Variants in ST3GAL1 observed in about 807,000 individuals in gnomAD.
ST3GAL1 encodes ST3 beta-galactoside alpha-2,3-sialyltransferase 1.
ST3GAL1 carries 16 observed loss-of-function variants against 34.1 expected under a neutral mutation model. The ratio of observed to expected loss-of-function variants is 0.47; its 90% CI spans 0.32 to 0.71. The LOEUF (loss-of-function observed/expected upper bound fraction) is 0.71, where lower values mean the gene tolerates loss of function less well. Among genes scored for constraint, ST3GAL1 ranks in the 30% least tolerant of loss-of-function variants. ST3GAL1 has a pLI of 0.04. For missense variants in ST3GAL1, 353 were observed against 447.4 expected, an observed-to-expected ratio of 0.79 and a Z score of 1.90; for synonymous variants, 191 against 184.7, an observed-to-expected ratio of 1.03 and a Z score of -0.28.
At chr8:133,528,541 A>T (rs912883467) in intron 2 of ST3GAL1, among the ~76,000 whole-genome samples, 2 of 152,238 alleles carry the variant, frequency 1.3e-5, no homozygotes, top group African/African-American at 4.8e-5. Context: ...TACAGCCTAC[A>T]CTGAGTCAAG....
intron 3 of ST3GAL1, among the ~76,000 whole-genome samples, chr8:133,497,787 C>T (rs578067576): frequency 1.1e-3 from 160 of 152,068 alleles, no homozygotes; most frequent in African/African-American, 3.7e-3. Flanking sequence ...TTTCTTGCTA[C>T]ACAACCCCCA....
chr8:133,462,259 C>G (rs552552289), intron 8 of ST3GAL1, among the ~76,000 whole-genome samples: 6 of 152,104 alleles, frequency 3.9e-5, no homozygotes, highest in Non-Finnish European at 1.5e-5. Flanking sequence ...GATCACTGAG[C>G]TGACACACAG....
chr8:133,546,802 C>T (rs1818685935), intron 1 of ST3GAL1, among the ~76,000 whole-genome samples: 1 of 152,070 alleles, frequency 6.6e-6, no homozygotes, highest in Non-Finnish European at 1.5e-5. Context: ...AGTTCAAAAC[C>T]AGCCTGGCCA....
intron 2 of ST3GAL1, among the ~76,000 whole-genome samples, chr8:133,538,286 G>A (rs1018114535): frequency 6.6e-6 from 1 of 152,160 alleles, no homozygotes; most frequent in Non-Finnish European, 1.5e-5. Flanking sequence ...AGGCCAAGGT[G>A]GGGGGATCAC....
At chr8:133,561,373 T>C (rs1020341903) in intron 1 of ST3GAL1, among the ~76,000 whole-genome samples, 5 of 152,118 alleles carry the variant, frequency 3.3e-5, no homozygotes, top group African/African-American at 1.2e-4. Flanking sequence ...GAGGTTCCAC[T>C]GAGACACACA....
rs933893505 is a variant in ST3GAL1, at chr8:133,458,086, C to A, written c.*1678G>T. On this transcript the variant is annotated 3_prime_UTR_variant, in exon 10 of 10. Transcript: ENST00000522652. ...TAGCCTGAGAATAAATCCAAGTCCA[C>A]AATGAGGAAGAAGGAAGGTTGGGTT... 2.0e-5 allele frequency: 3 copies of A among 152,228 alleles called. No individual in the cohort carries two copies. The highest frequency in any genetic ancestry group is 4.8e-5 in the African/African-American group (2 of 41,420). 9.4% of individuals were successfully genotyped at this position (152,228 alleles called of 1,614,324 possible). A position where few individuals can be genotyped will look rare whatever the true frequency, so the allele number is the denominator to read the frequency against.
rs765303726 is a variant in ST3GAL1 at position 133,556,248 on chromosome 8, C to G, written c.-581-10322G>C. On this transcript the variant is annotated intron_variant, in intron 1 of 9. Coordinates refer to ENST00000522652, the MANE Select transcript of ST3GAL1 (RefSeq NM_173344.3). This position sits in a 1 kb window ranked among gnomAD's most constrained non-coding sequence, Gnocchi z 8.9. ...CACCCAGGAAGATGAGTTGGTGTCA[C>G]CCCCAGAGCACAAGGGGTAACACTA... 5.9e-5 allele frequency among the ~76,000 whole-genome samples: 9 copies of G among 152,122 alleles called. No individual in the cohort carries two copies. The highest frequency in any genetic ancestry group is 1.2e-4 in the Non-Finnish European group (8 of 68,032).
intron 2 of ST3GAL1, among the ~76,000 whole-genome samples, chr8:133,525,970 C>T (rs569968447): frequency 6.6e-6 from 1 of 152,124 alleles, no homozygotes; most frequent in South Asian, 2.1e-4. Flanking sequence ...GGGCTCCTGC[C>T]CTGCCAACTT....
At chr8:133,489,076 G>A (rs1432257961) in intron 3 of ST3GAL1, among the ~76,000 whole-genome samples, 2 of 152,140 alleles carry the variant, frequency 1.3e-5, no homozygotes. Flanking sequence ...TGTCCTGGGG[G>A]TCTCAGTAAG....
intron 1 of ST3GAL1, among the ~76,000 whole-genome samples, chr8:133,559,770 G>A (rs1819161929): frequency 6.6e-6 from 1 of 152,224 alleles, no homozygotes; most frequent in African/African-American, 2.4e-5. Flanking sequence ...TTGCCTCCAA[G>A]AGGCTCCCAT....
intron 2 of ST3GAL1, among the ~76,000 whole-genome samples, chr8:133,535,911 C>T (rs1221411162): frequency 1.6e-4 from 25 of 152,140 alleles, no homozygotes; most frequent in Admixed American, 1.4e-3. Context: ...CACTGGGAAA[C>T]CAAAATAATT....
chr8:133,533,167 C>T (rs186961523), intron 2 of ST3GAL1, among the ~76,000 whole-genome samples: 3 of 152,300 alleles, frequency 2.0e-5, no homozygotes, highest in Admixed American at 2.0e-4. Flanking sequence ...TCCAATGGCA[C>T]TCTGAATTCC....
intron 2 of ST3GAL1, among the ~76,000 whole-genome samples, chr8:133,537,205 T>C (rs558050980): frequency 2.2e-4 from 34 of 152,040 alleles, no homozygotes; most frequent in Middle Eastern, 3.4e-3. Flanking sequence ...AGGATACAGA[T>C]AGAGAGATGC....
At chr8:133,470,934 G>A (rs577414057) in intron 5 of ST3GAL1, among the ~76,000 whole-genome samples, 12 of 152,258 alleles carry the variant, frequency 7.9e-5, no homozygotes, top group African/African-American at 2.9e-4. Flanking sequence ...CTTGAGGCAC[G>A]ATGGCTGGAA....
chr8:133,555,544 T>C (rs1818987927), intron 1 of ST3GAL1, among the ~76,000 whole-genome samples: 1 of 152,020 alleles, frequency 6.6e-6, no homozygotes, highest in Non-Finnish European at 1.5e-5. Context: ...CTGGGCCACA[T>C]GGTTTTCCTA....
chr8:133,549,638 T>G (rs1038206019), intron 1 of ST3GAL1, among the ~76,000 whole-genome samples: 2 of 151,812 alleles, frequency 1.3e-5, no homozygotes, highest in Non-Finnish European at 2.9e-5. Context: ...AAATTCCAAC[T>G]GACAAGTTTG....
intron 3 of ST3GAL1, among the ~76,000 whole-genome samples, chr8:133,478,616 C>G (rs967149592): frequency 6.6e-5 from 10 of 152,204 alleles, no homozygotes; most frequent in Non-Finnish European, 1.5e-4. Context: ...CGTGTCCCTG[C>G]TCAGGCTGTC....
intron 2 of ST3GAL1, among the ~76,000 whole-genome samples, chr8:133,528,017 A>G (rs1189477752): frequency 3.3e-5 from 5 of 151,968 alleles, no homozygotes; most frequent in African/African-American, 4.8e-5. Context: ...CTGAAAAAAA[A>G]AAAAAAAATT....
intron 3 of ST3GAL1, among the ~76,000 whole-genome samples, chr8:133,484,912 T>G (rs999441239): frequency 8.5e-5 from 13 of 152,200 alleles, no homozygotes; most frequent in African/African-American, 3.1e-4. Context: ...TATCACGCAC[T>G]GGGAATTGTG....
Sources: gnomAD v4.1 joint callset for allele counts (sites outside exome capture counted in the v4.1 genomes callset) on GRCh38, gnomAD v4.1.1 for gene constraint, Gnocchi (gnomAD v3.1) non-coding constraint, MANE v1.5 for transcripts, NCBI Gene and HGNC (gene_info 2026-07-23, HGNC 2026-07-21) for gene names.